The following INHBC variants were observed in gnomAD, a reference collection of about 807,000 sequenced individuals.
The protein encoded by INHBC is inhibin beta C chain.
Under a neutral mutation model 12.4 loss-of-function variants are expected in INHBC, and 10 were observed. The observed-to-expected ratio is 0.81, with a 90% CI of 0.50 to 1.37. INHBC has a LOEUF of 1.37. Among genes scored for constraint, INHBC ranks in the 40% most tolerant of loss-of-function variants. The pLI is 0.00. For missense variants in INHBC, 382 were observed against 439.4 expected (o/e 0.87, Z 1.17); for synonymous variants, 147 against 171.6 (o/e 0.86, Z 1.12).
chr12:57,445,929 G>T (rs1172958962), intron 1 of INHBC, among the ~76,000 whole-genome samples: 1 of 150,268 alleles, frequency 6.7e-6, no homozygotes, highest in Non-Finnish European at 1.5e-5. Flanking sequence ...TGGTTTTTTT[G>T]TTTGTTTGTT....
At chr12:57,444,533 T>A (rs1452979161) in intron 1 of INHBC, among the ~76,000 whole-genome samples, 2 of 143,010 alleles carry the variant, frequency 1.4e-5, no homozygotes, top group Non-Finnish European at 3.0e-5. Context: ...AGAGCAAGAC[T>A]CTGTCTCAGA....
At chr12:57,436,152 C>A (rs961395614) in intron 1 of INHBC, among the ~76,000 whole-genome samples, 30 of 140,890 alleles carry the variant, frequency 2.1e-4, no homozygotes, top group African/African-American at 7.7e-4. Flanking sequence ...GCAACCCTGT[C>A]TCTTTTTTAA....
intron 1 of INHBC, among the ~76,000 whole-genome samples, chr12:57,436,880 G>C (rs1055068708): frequency 2.6e-5 from 4 of 151,700 alleles, no homozygotes; most frequent in Non-Finnish European, 5.9e-5. Context: ...TGTTAGCCAG[G>C]ATGATCTCGA....
chr12:57,446,731 G>A (rs1044417839), intron 1 of INHBC, among the ~76,000 whole-genome samples: 1 of 151,880 alleles, frequency 6.6e-6, no homozygotes, highest in Admixed American at 6.6e-5. Flanking sequence ...TCAAACTCCT[G>A]GACTCAAGCC....
At chr12:57,442,809 G>C (rs1340013478) in intron 1 of INHBC, among the ~76,000 whole-genome samples, 6 of 151,920 alleles carry the variant, frequency 3.9e-5, no homozygotes, top group South Asian at 4.2e-4. Context: ...GGCCAACATG[G>C]GGGAAACCCT....
chr12:57,445,932 T>G (rs999229820), intron 1 of INHBC, among the ~76,000 whole-genome samples: 2 of 150,818 alleles, frequency 1.3e-5, no homozygotes, highest in Non-Finnish European at 3.0e-5. Flanking sequence ...TTTTTTTGTT[T>G]GTTTGTTTGT....
At chr12:57,449,169 A>G (rs1870649652) in intron 1 of INHBC, 108 bp from the exon 2 acceptor site, 1 of 1,366,372 alleles carries the variant, frequency 7.3e-7, no homozygotes, top group African/African-American at 1.5e-5. Flanking sequence ...TTTAAACTGT[A>G]GCAAATGCCA....
chr12:57,443,530 C>T (rs894756530), intron 1 of INHBC, among the ~76,000 whole-genome samples: 8 of 151,962 alleles, frequency 5.3e-5, no homozygotes, highest in Non-Finnish European at 1.2e-4. Flanking sequence ...GTGATCCACC[C>T]ACCTTGGCCT....
intron 1 of INHBC, among the ~76,000 whole-genome samples, chr12:57,441,637 C>T (rs1870466821): frequency 1.3e-5 from 2 of 151,754 alleles, no homozygotes; most frequent in South Asian, 4.2e-4. Context: ...AACAAACCAG[C>T]CCAAAACATA....
chr12:57,450,124 T>G lies in INHBC; in HGVS notation c.*102T>G, dbSNP rs1870681677. On this transcript the variant is annotated 3_prime_UTR_variant, in exon 2 of 2. Transcript: ENST00000309668. ...GAATGACCTCATTCTCTGTCCAGAA[T>G]GTGGACTCCCTCTTCCTGAGCATCT... 7.9e-7 allele frequency: 1 copy of G among 1,267,036 alleles called. No individual in the cohort carries two copies. The allele number at this position is 1,267,036 out of a possible 1,614,324, so 78.5% of individuals were successfully genotyped here.
At chr12:57,444,159 A>G (rs927207871) in intron 1 of INHBC, among the ~76,000 whole-genome samples, 2 of 152,202 alleles carry the variant, frequency 1.3e-5, no homozygotes, top group Non-Finnish European at 2.9e-5. Context: ...GGTGAGCCAT[A>G]CAGGCACAAC....
At chr12:57,440,827 C>T (rs1298904658) in intron 1 of INHBC, among the ~76,000 whole-genome samples, 3 of 152,132 alleles carry the variant, frequency 2.0e-5, no homozygotes, top group East Asian at 3.8e-4. Flanking sequence ...CTTCAGCTTC[C>T]AATAGCAATT....
chr12:57,447,892 A>AAATATAT (rs1555325179), intron 1 of INHBC, among the ~76,000 whole-genome samples: 5 of 19,880 alleles, frequency 2.5e-4, no homozygotes, highest in Admixed American at 8.0e-4. Flanking sequence ...AAAAAAAAAA[A>AAATATAT]ATATATATAT....
chr12:57,436,930 G>A (rs772512009), intron 1 of INHBC, among the ~76,000 whole-genome samples: 14 of 152,096 alleles, frequency 9.2e-5, no homozygotes, highest in Admixed American at 2.6e-4. Context: ...CCCTCCCAAA[G>A]TGCTGGGATT....
At position 57,449,907 on chromosome 12, in the gene INHBC, C is replaced by T; in HGVS notation, c.944C>T (p.Ser315Leu). 1 of 1,608,926 alleles carries T rather than the reference C, an allele frequency of 6.2e-7. No individual in the cohort carries two copies. Among genetic ancestry groups the T allele is most frequent in the Non-Finnish European group, 8.5e-7 (1 of 1,176,948 alleles). ...GCTGCAGGCACCACTGGAGGGGGCT[C>T]ATGCTGTGTACCCACGGCCCGGCGC... ...NTAAGTTGGG[S>L]CCVPTARRPL... The change falls in exon 2 of 2, where the codon TCA (serine) becomes TTA (leucine). Residue 315 changes from serine (S) to leucine (L), a missense_variant. Coordinates refer to ENST00000309668, the MANE Select transcript of INHBC (RefSeq NM_005538.4).
At chr12:57,446,241 AT>A (rs915170256) in intron 1 of INHBC, among the ~76,000 whole-genome samples, 61 of 151,524 alleles carry the variant, frequency 4.0e-4, no homozygotes, top group African/African-American at 1.3e-3. Context: ...CGGCCTAAAA[AT>A]TTTTTTTTAA....
At position 57,451,878 on chromosome 12, in the gene INHBC, G is replaced by T; in HGVS notation, c.*1856G>T. ...CTTCCCAATTACAGCTTAGTCTCCA[G>T]GGCTAGGACTGGGGTAAAGCAAAGT... On this transcript the variant is annotated 3_prime_UTR_variant, in exon 2 of 2. Coordinates refer to ENST00000309668, the MANE Select transcript of INHBC (RefSeq NM_005538.4). The T allele has an allele frequency of 2.2e-6, 1 of 455,760 alleles. No homozygotes were observed. The highest frequency in any genetic ancestry group is 4.4e-6 in the Non-Finnish European group (1 of 226,742). 28.2% of individuals were successfully genotyped at this position (455,760 alleles called of 1,614,324 possible). A position where few individuals can be genotyped will look rare whatever the true frequency, so the allele number is the denominator to read the frequency against.
intron 1 of INHBC, among the ~76,000 whole-genome samples, chr12:57,437,912 A>G (rs1479656836): frequency 6.6e-6 from 1 of 151,700 alleles, no homozygotes; most frequent in Non-Finnish European, 1.5e-5. Flanking sequence ...CAGCCTCCCG[A>G]GTATCTGGAA....
intron 1 of INHBC, among the ~76,000 whole-genome samples, chr12:57,439,530 T>C (rs564870193): frequency 3.9e-5 from 6 of 152,344 alleles, no homozygotes; most frequent in African/African-American, 1.2e-4. Context: ...CTGCCCAGAG[T>C]TGGGGGCCCA....
Sources: allele counts gnomAD v4.1 joint callset (sites outside exome capture counted in the v4.1 genomes callset), GRCh38; gene constraint gnomAD v4.1.1; transcripts MANE v1.5; gene names NCBI Gene and HGNC (gene_info 2026-07-23, HGNC 2026-07-21).